Variants in TROAP observed in about 807,000 individuals in gnomAD.
TROAP encodes tastin.
Under a neutral mutation model 83.4 loss-of-function variants are expected in TROAP, and 62 were observed. The ratio of observed to expected loss-of-function variants is 0.74; its 90% CI spans 0.61 to 0.92. The LOEUF (loss-of-function observed/expected upper bound fraction) is 0.92. Ranked by LOEUF, TROAP falls within the 40% of genes least tolerant of loss-of-function variation. The pLI, the probability that TROAP is intolerant of heterozygous loss-of-function variation, is 0.00. For synonymous variants in TROAP, 352 were observed against 386.4 expected (o/e 0.91, Z 1.04); for missense variants, 876 against 985.1 (o/e 0.89, Z 1.48).
chr12:49,329,342 C>T lies in TROAP; in HGVS notation c.1105-53C>T. 2 of 1,612,962 alleles carry T rather than the reference C, an allele frequency of 1.2e-6. No individual in the cohort carries two copies. Among genetic ancestry groups the T allele is most frequent in the South Asian group, 1.1e-5 (1 of 90,978 alleles). ...GAGAGAAGACAGAAGCAAGGGGAGGCTGAGTGCCATCTGTGGGTGTCAGCC... is the reference window on the plus strand; with the variant it reads ...GAGAGAAGACAGAAGCAAGGGGAGGTTGAGTGCCATCTGTGGGTGTCAGCC... On this transcript the variant is annotated intron_variant, in intron 10 of 14. Coordinates refer to ENST00000257909, the MANE Select transcript of TROAP (RefSeq NM_005480.4). The surrounding 1 kb of genome is among the most constrained non-coding windows in gnomAD (Gnocchi z 4.5).
rs1425125354 is a variant in TROAP at position 49,326,230 on chromosome 12, C to T, written c.716+72C>T. 4 of 1,502,292 alleles carry T rather than the reference C, an allele frequency of 2.7e-6. No individual in the cohort carries two copies. The East Asian group carries it at 6.8e-5, about 25-fold the overall frequency. The allele number at this position is 1,502,292 out of a possible 1,614,324, so 93.1% of individuals were successfully genotyped here. A position where few individuals can be genotyped will look rare whatever the true frequency, so the allele number is the denominator to read the frequency against. On this transcript the variant is annotated intron_variant, in intron 6 of 14. Coordinates refer to ENST00000257909, the MANE Select transcript of TROAP (RefSeq NM_005480.4). ...ACCAGTGTCTGATACAGGAGTCCCC[C>T]AGAGTTGGGGCCTTCCAGGAGCTTT...
At position 49,331,726 on chromosome 12, in the gene TROAP, A is replaced by G. The variant is rs1475762797; in HGVS notation, c.*109A>G. ...CACTTTTGTCCTCAATAAAGTTTCT[A>G]AAGTATCCACGTGTCTAGCTAAGTG... On this transcript the variant is annotated 3_prime_UTR_variant, in exon 15 of 15. Coordinates refer to ENST00000257909, the MANE Select transcript of TROAP (RefSeq NM_005480.4). 2.8e-6 allele frequency: 4 copies of G among 1,414,656 alleles called. No individual in the cohort carries two copies. The highest frequency in any genetic ancestry group is 2.3e-5 in the South Asian group (2 of 86,400). 87.6% of individuals were successfully genotyped at this position (1,414,656 alleles called of 1,614,324 possible). A position where few individuals can be genotyped will look rare whatever the true frequency, so the allele number is the denominator to read the frequency against.
rs139163486 is a variant in TROAP at position 49,329,970 on chromosome 12, C to T, written c.1278C>T (p.Ser426=). The T allele has an allele frequency of 6.5e-4, 1,055 of 1,614,114 alleles. 10 individuals are homozygous for T. In the African/African-American group the frequency reaches 0.012, roughly 18 times the overall value. ...GACCCCACTCTAACAGAACCCCCAG[C>T]CTCCAGGAGGTGAAGATTCAAGTGA... The part of the protein sequence containing the change: ...PSGPHSNRTP[S]LQEVKIQRIG... The change falls in exon 12 of 15, where the codon AGC becomes AGT. Residue 426 remains serine, a synonymous_variant. Transcript: ENST00000257909. The surrounding 1 kb of genome is among the most constrained non-coding windows in gnomAD (Gnocchi z 4.5).
Position 49,327,325 on chromosome 12 carries a change from A to C in TROAP, c.886A>C (p.Thr296Pro). 1 of 1,613,904 alleles carries C rather than the reference A, an allele frequency of 6.2e-7. No homozygotes were observed. Among genetic ancestry groups the C allele is most frequent in the Non-Finnish European group, 8.5e-7 (1 of 1,179,862 alleles). ...PLRENREMSH[T>P]RDSHDSHLMP... ...AAGAGAAAACCGAGAAATGTCACAT[A>C]CCAGGGTGAGATGCGACTCTCCTGG... Residue 296 changes from threonine to proline, a missense_variant, in exon 8 of 15, where the codon ACC (threonine) becomes CCC (proline). Transcript: ENST00000257909.
intron 8 of TROAP, among the ~76,000 whole-genome samples, 171 bp from the exon 9 acceptor site, chr12:49,328,756 C>T (rs550409618): frequency 1.3e-5 from 2 of 151,964 alleles, no homozygotes; most frequent in East Asian, 2.0e-4. Flanking sequence ...CCCAGCTACT[C>T]GGGAGGCTGA....
At position 49,329,645 on chromosome 12, in the gene TROAP, G is replaced by A; in HGVS notation, c.1164+191G>A. On this transcript the variant is annotated intron_variant, in intron 11 of 14. Transcript: ENST00000257909. This position sits in a 1 kb window ranked among gnomAD's most constrained non-coding sequence, Gnocchi z 4.5. The stretch of plus-strand genomic sequence containing the variant: ...CTTTGAGACCAGCCTGGGCAACATA[G>A]TGAGACCCTGTCTCCACTAAAATTT... 2.1e-6 allele frequency: 2 copies of A among 969,754 alleles called. No individual in the cohort carries two copies. Among genetic ancestry groups the A allele is most frequent in the Non-Finnish European group, 3.1e-6 (2 of 650,806 alleles). The allele number at this position is 969,754 out of a possible 1,614,324, so 60.1% of individuals were successfully genotyped here.
rs1335103614 is a variant in TROAP, at chr12:49,331,094, G to C, written c.2099-120G>C. 3 of 1,533,580 alleles carry C rather than the reference G, an allele frequency of 2.0e-6. No individual in the cohort carries two copies. The South Asian group carries it at 3.4e-5, about 17-fold the overall frequency. 95.0% of individuals were successfully genotyped at this position (1,533,580 alleles called of 1,614,324 possible). A position where few individuals can be genotyped will look rare whatever the true frequency, so the allele number is the denominator to read the frequency against. On this transcript the variant is annotated intron_variant, in intron 13 of 14. Coordinates refer to ENST00000257909, the MANE Select transcript of TROAP (RefSeq NM_005480.4). The stretch of plus-strand genomic sequence containing the variant: ...GCTCTCCCTCAGGAAGAGGGGAGGG[G>C]CTGCACTTCCAGCCCTGTGCTCCTA...
In TROAP at chr12:49,328,962, C is replaced by T. The variant is rs774106335; in HGVS notation, c.927C>T (p.Ala309=). The T allele has an allele frequency of 6.2e-7, 1 of 1,601,232 alleles. No individual in the cohort carries two copies. Among genetic ancestry groups the T allele is most frequent in the African/African-American group, 1.3e-5 (1 of 74,740 alleles). The change falls in exon 9 of 15, where the codon GCC becomes GCT. Residue 309 remains alanine (A), a synonymous_variant. Coordinates refer to ENST00000257909, the MANE Select transcript of TROAP (RefSeq NM_005480.4). The part of the protein sequence containing the change: ...SHDSHLMPSP[A]PVAQPLPGHV... ...ACTCCCACCTGATGCCCTCCCCTGCCCCTGTGGCCCAGCCCTTGCCTGGCC... is the reference window on the plus strand; with the variant it reads ...ACTCCCACCTGATGCCCTCCCCTGCTCCTGTGGCCCAGCCCTTGCCTGGCC...
intron 8 of TROAP, 46 bp downstream of exon 8, chr12:49,327,376 T>C (rs1943517738): frequency 6.3e-7 from 1 of 1,597,346 alleles, no homozygotes; most frequent in Non-Finnish European, 8.6e-7. Context: ...GTGCAGGAGT[T>C]GCTTGGAAGA....
rs377697147 is a variant in TROAP, at chr12:49,331,312, G to A, written c.2197G>A (p.Glu733Lys). 3 of 1,614,222 alleles carry A rather than the reference G, an allele frequency of 1.9e-6. No individual in the cohort carries two copies. Among genetic ancestry groups the A allele is most frequent in the Middle Eastern group, 1.6e-4 (1 of 6,062 alleles). ...CTTCCACGAGGCTCGTCTGGACGAT[G>A]AGTGTGCCTTTTACACCAGCCGAGC... is the stretch of plus-strand genomic sequence containing the variant. ...HCFHEARLDD[E>K]CAFYTSRAPP... Residue 733 changes from glutamate to lysine, a missense_variant, in exon 14 of 15, where the codon GAG becomes AAG. Glu to Lys is a moderately conservative substitution (Grantham distance 56). This residue lies in a region of TROAP where 184 missense variants were observed against 238.3 expected (regional missense o/e 0.77). Transcript: ENST00000257909.
chr12:49,331,036 A>G (rs760534831), intron 13 of TROAP, 93 bp downstream of exon 13: 14 of 1,548,388 alleles, frequency 9.0e-6, no homozygotes, highest in Non-Finnish European at 1.1e-5. Flanking sequence ...AGGCAATCTC[A>G]TGCTTCCACA....
chr12:49,331,068 G>T (rs762372973), intron 13 of TROAP, 125 bp downstream of exon 13: 4 of 1,538,818 alleles, frequency 2.6e-6, no homozygotes, highest in Non-Finnish European at 3.6e-6. Context: ...GGCCCAGCCT[G>T]GCTCTCCCTC....
chr12:49,331,079 A>G (rs1185524652), intron 13 of TROAP, 135 bp from the exon 14 acceptor site: 1 of 1,527,128 alleles, frequency 6.5e-7, no homozygotes, highest in Admixed American at 1.7e-5. Context: ...GCTCTCCCTC[A>G]GGAAGAGGGG....
Position 49,330,436 on chromosome 12 carries a change from C to G in TROAP, c.1591C>G (p.Pro531Ala). ...CCCAGAGGCCTTCTGTAGGAGTGAG[C>G]CTGAGATACCAGAGCCCTCCCTCCA... ...GPPEAFCRSE[P>A]EIPEPSLQEQ... Residue 531 changes from proline to alanine, a missense_variant, in exon 13 of 15, where the codon CCT becomes GCT. Transcript: ENST00000257909. 6.2e-7 allele frequency: 1 copy of G among 1,614,042 alleles called. No homozygotes were observed.
rs766437381 is a variant in TROAP, at chr12:49,327,325, A to T, written c.886A>T (p.Thr296Ser). 4.3e-6 allele frequency: 7 copies of T among 1,613,904 alleles called. No individual in the cohort carries two copies. The South Asian group carries it at 7.7e-5, about 18-fold the overall frequency. ...PLRENREMSH[T>S]RDSHDSHLMP... ...AAGAGAAAACCGAGAAATGTCACAT[A>T]CCAGGGTGAGATGCGACTCTCCTGG... The change falls in exon 8 of 15, where the codon ACC (threonine) becomes TCC (serine). Residue 296 changes from threonine (T) to serine (S), a missense_variant. Physicochemically the swap from Thr to Ser is moderately conservative, Grantham distance 58. This residue lies in a region of TROAP where 689 missense variants were observed against 722.6 expected (regional missense o/e 0.95). Transcript: ENST00000257909.
In TROAP at chr12:49,329,675, A is replaced by G; in HGVS notation, c.1165-182A>G. ...ACCCTGTCTCCACTAAAATTTTAAA[A>G]ATTAGAAAGTGCTCTCTGGAAAAGC... On this transcript the variant is annotated intron_variant, in intron 11 of 14. Coordinates refer to ENST00000257909, the MANE Select transcript of TROAP (RefSeq NM_005480.4). This position sits in a 1 kb window ranked among gnomAD's most constrained non-coding sequence, Gnocchi z 4.5. The G allele has an allele frequency of 1.3e-5, 14 of 1,115,272 alleles. No homozygotes were observed. The highest frequency in any genetic ancestry group is 1.7e-5 in the Non-Finnish European group (13 of 774,916). 69.1% of individuals were successfully genotyped at this position (1,115,272 alleles called of 1,614,324 possible). A position where few individuals can be genotyped will look rare whatever the true frequency, so the allele number is the denominator to read the frequency against.
In TROAP at chr12:49,325,579, G is replaced by A. The variant is rs1336698595; in HGVS notation, c.416G>A (p.Cys139Tyr). The change falls in exon 4 of 15, where the codon TGT becomes TAT. Residue 139 changes from cysteine to tyrosine, a missense_variant. Physicochemically the swap from Cys to Tyr is radical, Grantham distance 194. This residue lies in a region of TROAP where 689 missense variants were observed against 722.6 expected (regional missense o/e 0.95). Coordinates refer to ENST00000257909, the MANE Select transcript of TROAP (RefSeq NM_005480.4). ...CTGTCAGGTGAGGGTGTGAAGAGCTGTCACCTGGGGCGCCAGCCTAGTCTG... is the reference window on the plus strand; with the variant it reads ...CTGTCAGGTGAGGGTGTGAAGAGCTATCACCTGGGGCGCCAGCCTAGTCTG... ...TILSGEGVKSCHLGRQPSLAK... is the reference protein window; with the variant it reads ...TILSGEGVKSYHLGRQPSLAK... 6.2e-7 allele frequency: 1 copy of A among 1,614,012 alleles called. No individual in the cohort carries two copies. Among genetic ancestry groups the A allele is most frequent in the Admixed American group, 1.7e-5 (1 of 60,022 alleles).
rs1391730708 is a variant in TROAP at position 49,325,566 on chromosome 12, G to C, written c.403G>C (p.Gly135Arg). 1 of 1,613,934 alleles carries C rather than the reference G, an allele frequency of 6.2e-7. No individual in the cohort carries two copies. Among genetic ancestry groups the C allele is most frequent in the African/African-American group, 1.3e-5 (1 of 74,906 alleles). Residue 135 changes from glycine (G) to arginine (R), a missense_variant, in exon 4 of 15, where the codon GGT becomes CGT. Gly to Arg is a moderately radical substitution (Grantham distance 125). Coordinates refer to ENST00000257909, the MANE Select transcript of TROAP (RefSeq NM_005480.4). ...AALATILSGEGVKSCHLGRQP... is the reference protein window; with the variant it reads ...AALATILSGERVKSCHLGRQP... ...CCTGGCCACCATCCTGTCAGGTGAG[G>C]GTGTGAAGAGCTGTCACCTGGGGCG...
At chr12:49,324,459 T>G in intron 3 of TROAP, 1 of 385,552 alleles carries the variant, frequency 2.6e-6, no homozygotes, top group Non-Finnish European at 4.5e-6. Flanking sequence ...ACTTCTTTTA[T>G]AACATGTATA....
Sources: gnomAD v4.1 joint callset for allele counts (sites outside exome capture counted in the v4.1 genomes callset) on GRCh38, gnomAD v4.1.1 for gene constraint, gnomAD v4.1.1 regional missense constraint, Gnocchi (gnomAD v3.1) non-coding constraint, MANE v1.5 for transcripts, NCBI Gene and HGNC (gene_info 2026-07-23, HGNC 2026-07-21) for gene names.